ATRNL1: variants seen among roughly 807,000 people sequenced by gnomAD.
ATRNL1 encodes attractin like 1, also known as attractin-like protein 1.
ATRNL1 carries 95 observed loss-of-function variants against 182.7 expected under a neutral mutation model. The ratio of observed to expected loss-of-function variants is 0.52; its 90% CI spans 0.44 to 0.62. ATRNL1 has a LOEUF of 0.62. Among genes scored for constraint, ATRNL1 ranks in the 20% least tolerant of loss-of-function variants. The pLI, the probability that ATRNL1 is intolerant of heterozygous loss-of-function variation, is 0.00. For missense variants in ATRNL1, 1,471 were observed against 1,679.5 expected (o/e 0.88, Z 2.17); for synonymous variants, 576 against 568.3 (o/e 1.01, Z -0.19).
chr10:115,750,032 C>T (rs1948402684), intron 27 of ATRNL1, among the ~76,000 whole-genome samples: 1 of 151,886 alleles, frequency 6.6e-6, no homozygotes, highest in Admixed American at 6.6e-5. Flanking sequence ...TTACTGTCCA[C>T]CATTTTCATT....
At chr10:115,874,058 T>C (rs550879613) in intron 28 of ATRNL1, among the ~76,000 whole-genome samples, 2 of 152,264 alleles carry the variant, frequency 1.3e-5, no homozygotes, top group East Asian at 3.9e-4. Flanking sequence ...CTTTCACTGT[T>C]TCCATCTTCA....
At chr10:115,822,264 G>T (rs1950320209) in intron 27 of ATRNL1, among the ~76,000 whole-genome samples, 1 of 152,062 alleles carries the variant, frequency 6.6e-6, no homozygotes, top group Non-Finnish European at 1.5e-5. Context: ...AGAATCTCTG[G>T]GACACAGCTA....
At chr10:115,460,255 A>G (rs903835485) in intron 21 of ATRNL1, among the ~76,000 whole-genome samples, 1 of 152,042 alleles carries the variant, frequency 6.6e-6, no homozygotes. Context: ...TCTACTACGC[A>G]TGCTCCTGAG....
chr10:115,938,557 T>G (rs1281713971), intron 28 of ATRNL1, among the ~76,000 whole-genome samples: 3 of 152,324 alleles, frequency 2.0e-5, no homozygotes, highest in African/African-American at 7.2e-5. Flanking sequence ...CACATTCATT[T>G]CAGCATTATT....
chr10:115,512,571 G>T (rs1592764922), intron 24 of ATRNL1, among the ~76,000 whole-genome samples: 1 of 150,620 alleles, frequency 6.6e-6, no homozygotes, highest in Non-Finnish European at 1.5e-5. Flanking sequence ...TATTTATTCA[G>T]TAGTTTTATT....
Position 115,266,967 on chromosome 10 carries a change from CTAA to C in ATRNL1, c.1949_1951del (p.Asn650del). ...TGTGAATCTTGGGAATCTGGGAATA[CTAA>C]TAATATTCTTAGAGCAAAGTGCCCT... On this transcript the variant is annotated inframe_deletion, in exon 12 of 29. Coordinates refer to ENST00000355044, the MANE Select transcript of ATRNL1 (RefSeq NM_207303.4). The C allele has an allele frequency of 1.2e-6, 2 of 1,611,732 alleles. No homozygotes were observed. The highest frequency in any genetic ancestry group is 8.5e-7 in the Non-Finnish European group (1 of 1,178,592).
intron 5 of ATRNL1, among the ~76,000 whole-genome samples, chr10:115,149,865 G>T (rs1371231732): frequency 2.7e-5 from 4 of 145,538 alleles, no homozygotes; most frequent in African/African-American, 1.0e-4. Context: ...AGGGACAATT[G>T]TCTCCTTTTC....
intron 28 of ATRNL1, among the ~76,000 whole-genome samples, chr10:115,902,245 A>G (rs1952376832): frequency 6.6e-6 from 1 of 152,132 alleles, no homozygotes; most frequent in Non-Finnish European, 1.5e-5. Flanking sequence ...ACTTAGTAAC[A>G]TCATCTTCCT....
chr10:115,526,573 A>G (rs1851225704), intron 25 of ATRNL1, among the ~76,000 whole-genome samples: 1 of 152,160 alleles, frequency 6.6e-6, no homozygotes, highest in Non-Finnish European at 1.5e-5. Flanking sequence ...CAGCAATTTA[A>G]GTCTTCTGCC....
At chr10:115,600,666 C>T (rs1856542071) in intron 26 of ATRNL1, among the ~76,000 whole-genome samples, 2 of 151,896 alleles carry the variant, frequency 1.3e-5, no homozygotes, top group South Asian at 4.1e-4. Flanking sequence ...CAAGTATTTT[C>T]CCCAGGTCTA....
intron 28 of ATRNL1, among the ~76,000 whole-genome samples, chr10:115,872,734 A>G (rs782231652): frequency 5.3e-4 from 81 of 152,356 alleles, no homozygotes; most frequent in Middle Eastern, 3.4e-3. Flanking sequence ...TCCGGGAGAT[A>G]CTGTTATATC....
chr10:115,344,545 C>CTTGTACCT (rs2134104098), intron 19 of ATRNL1, among the ~76,000 whole-genome samples: 1 of 152,222 alleles, frequency 6.6e-6, no homozygotes, highest in South Asian at 2.1e-4. Flanking sequence ...CCCCTCTGGC[C>CTTGTACCT]TAGGGTAGGT....
At chr10:115,333,024 G>A (rs1592468408) in intron 18 of ATRNL1, among the ~76,000 whole-genome samples, 1 of 152,138 alleles carries the variant, frequency 6.6e-6, no homozygotes, top group African/African-American at 2.4e-5. Flanking sequence ...CCAAGGCATG[G>A]TGTTTACAGT....
intron 1 of ATRNL1, among the ~76,000 whole-genome samples, chr10:115,103,827 T>C (rs1288251844): frequency 1.3e-5 from 2 of 152,234 alleles, no homozygotes; most frequent in Admixed American, 6.5e-5. Flanking sequence ...TTTCATGTAA[T>C]GTAATGACGT....
chr10:115,365,840 A>T (rs1254948626), intron 19 of ATRNL1, among the ~76,000 whole-genome samples: 92 of 152,178 alleles, frequency 6.0e-4, no homozygotes, highest in African/African-American at 2.0e-3. Context: ...TTTGAGTGAG[A>T]TTCTTAATCC....
intron 27 of ATRNL1, among the ~76,000 whole-genome samples, chr10:115,796,332 G>C (rs936423849): frequency 6.6e-6 from 1 of 152,052 alleles, no homozygotes; most frequent in Admixed American, 6.5e-5. Context: ...GCACACCATG[G>C]TTTCCCCTTC....
intron 26 of ATRNL1, among the ~76,000 whole-genome samples, chr10:115,718,952 C>T (rs538292007): frequency 2.0e-5 from 3 of 152,118 alleles, no homozygotes; most frequent in African/African-American, 7.2e-5. Flanking sequence ...TCACCCCATA[C>T]ATCAGTTACT....
intron 1 of ATRNL1, among the ~76,000 whole-genome samples, chr10:115,105,035 T>A (rs887265275): frequency 6.6e-6 from 1 of 152,176 alleles, no homozygotes; most frequent in African/African-American, 2.4e-5. Context: ...TTGGCTATTC[T>A]GGGTCTTTTT....
At chr10:115,451,209 G>A (rs1450072567) in intron 21 of ATRNL1, among the ~76,000 whole-genome samples, 1 of 152,100 alleles carries the variant, frequency 6.6e-6, no homozygotes, top group Non-Finnish European at 1.5e-5. Context: ...CAAAGGAACT[G>A]GCAAAGATTT....
Sources: allele counts gnomAD v4.1 joint callset (sites outside exome capture counted in the v4.1 genomes callset), GRCh38; gene constraint gnomAD v4.1.1; transcripts MANE v1.5; gene names NCBI Gene and HGNC (gene_info 2026-07-23, HGNC 2026-07-21).